Variants in IQSEC3 observed in about 807,000 individuals in gnomAD.
IQSEC3 encodes IQ motif and SEC7 domain-containing protein 3.
A neutral mutation model predicts 105.4 loss-of-function variants in IQSEC3; 50 were observed. The observed-to-expected ratio is 0.47, with a 90% confidence interval of 0.38 to 0.60. The LOEUF is 0.60. Ranked by LOEUF, IQSEC3 falls within the 20% of genes least tolerant of loss-of-function variation. The probability of loss-of-function intolerance (pLI) is 0.00; values close to 1 mark genes in which losing one functional copy is unlikely to be tolerated. For missense variants in IQSEC3, 1,415 were observed against 1,630.0 expected, an observed-to-expected ratio of 0.87 and a Z score of 2.27; for synonymous variants, 708 against 746.0, an observed-to-expected ratio of 0.95 and a Z score of 0.83.
intron 1 of IQSEC3, among the ~76,000 whole-genome samples, chr12:72,978 A>C (rs1332870673): frequency 7.3e-6 from 1 of 137,130 alleles, no homozygotes; most frequent in Non-Finnish European, 1.6e-5. Flanking sequence ...CCCAGGAGGC[A>C]GAGCTTGCAG....
chr12:89,155 A>G (rs1236807019), intron 1 of IQSEC3, among the ~76,000 whole-genome samples: 1 of 151,948 alleles, frequency 6.6e-6, no homozygotes, highest in African/African-American at 2.4e-5. Flanking sequence ...CCAGGCCCCA[A>G]ATTTCCCCCA....
At chr12:71,339 C>T (rs184672914) in intron 1 of IQSEC3, among the ~76,000 whole-genome samples, 1 of 152,274 alleles carries the variant, frequency 6.6e-6, no homozygotes, top group Non-Finnish European at 1.5e-5. Context: ...TATTCAAAAC[C>T]CTGCACTCAG....
intron 3 of IQSEC3, among the ~76,000 whole-genome samples, chr12:136,337 C>T (rs1865764359): frequency 6.6e-6 from 1 of 152,132 alleles, no homozygotes; most frequent in African/African-American, 2.4e-5. Flanking sequence ...TGGGATTGTC[C>T]TTGGGGATTG....
chr12:171,308 A>T (rs781913605), intron 13 of IQSEC3, 147 bp downstream of exon 13: 1 of 1,614,002 alleles, frequency 6.2e-7, no homozygotes, highest in South Asian at 1.1e-5. Flanking sequence ...GATACAATTA[A>T]AAGTTACTGC....
chr12:163,795 G>C (rs1304424256), intron 9 of IQSEC3, among the ~76,000 whole-genome samples, 176 bp downstream of exon 9: 3 of 152,204 alleles, frequency 2.0e-5, no homozygotes, highest in Admixed American at 2.0e-4. Flanking sequence ...GCGTGAGGGG[G>C]CTCAGGCAGA....
At chr12:110,659 G>A (rs924004551) in intron 2 of IQSEC3, among the ~76,000 whole-genome samples, 5 of 151,922 alleles carry the variant, frequency 3.3e-5, no homozygotes, top group Admixed American at 2.0e-4. Flanking sequence ...CTCTTCCCCA[G>A]GAAACAGAAT....
chr12:125,293 T>C (rs1167156918), intron 2 of IQSEC3, among the ~76,000 whole-genome samples: 2 of 152,178 alleles, frequency 1.3e-5, no homozygotes, highest in African/African-American at 4.8e-5. Context: ...AGAGGTGCAA[T>C]GAGGCTGAGT....
At position 165,865 on chromosome 12, in the gene IQSEC3, G is replaced by C. The variant is rs370969836; in HGVS notation, c.2946G>C (p.Thr982=). The C allele has an allele frequency of 1.8e-4, 285 of 1,613,950 alleles. 1 individual carries two copies. The highest frequency in any genetic ancestry group is 2.3e-4 in the Non-Finnish European group (270 of 1,180,028). The change falls in exon 11 of 14, where the codon ACG becomes ACC. Residue 982 remains threonine (T), a synonymous_variant. Coordinates refer to ENST00000538872, the MANE Select transcript of IQSEC3 (RefSeq NM_001170738.2). ...TGAAGGAGTCCATTGCTGAGGTGAC[G>C]GAGCTGGAGCAGATCCGAATAGAGT... ...EDLKESIAEV[T]ELEQIRIEWE... is the part of the protein sequence containing the mutation.
intron 5 of IQSEC3, among the ~76,000 whole-genome samples, chr12:147,558 C>A (rs1866328253): frequency 6.6e-6 from 1 of 152,168 alleles, no homozygotes; most frequent in Admixed American, 6.5e-5. Context: ...CATTCCAGGA[C>A]CCCTGTGGTC....
At position 138,731 on chromosome 12, in the gene IQSEC3, G is replaced by A. The variant is rs782673474; in HGVS notation, c.1368G>A (p.Pro456=). Residue 456 remains proline (P), a synonymous_variant, in exon 4 of 14, where the codon CCG becomes CCA. Coordinates refer to ENST00000538872, the MANE Select transcript of IQSEC3 (RefSeq NM_001170738.2). The surrounding 1 kb of genome is among the most constrained non-coding windows in gnomAD (Gnocchi z 7.1). ...GCCTGGAGGCCGAGGGGCGGGCGCC[G>A]GAGAGCGCGGGCCCCGGGCCCGGGG... is the stretch of plus-strand genomic sequence containing the variant. The part of the protein sequence containing the change: ...PPGLEAEGRA[P]ESAGPGPGDD... The A allele has an allele frequency of 1.1e-4, 170 of 1,503,348 alleles. No homozygotes were observed. Among genetic ancestry groups the A allele is most frequent in the Non-Finnish European group, 1.3e-4 (149 of 1,132,272 alleles). The allele number at this position is 1,503,348 out of a possible 1,614,324, so 93.1% of individuals were successfully genotyped here.
intron 1 of IQSEC3, among the ~76,000 whole-genome samples, chr12:73,193 G>C (rs1237327058): frequency 6.8e-5 from 4 of 59,042 alleles, no homozygotes; most frequent in Non-Finnish European, 1.6e-4. Context: ...TCAAGATCCA[G>C]ATGGTTGAGA....
chr12:163,824 A>C (rs2270795), intron 9 of IQSEC3, among the ~76,000 whole-genome samples: 41 of 152,104 alleles, frequency 2.7e-4, no homozygotes, highest in Middle Eastern at 3.4e-3. Context: ...TTCCTACCTC[A>C]TAAGTCATGA....
At chr12:93,400 G>A (rs1864151950) in intron 1 of IQSEC3, among the ~76,000 whole-genome samples, 1 of 152,238 alleles carries the variant, frequency 6.6e-6, no homozygotes, top group Non-Finnish European at 1.5e-5. Context: ...GTGCCACCAA[G>A]AGATCCCGTC....
At position 174,690 on chromosome 12, in the gene IQSEC3, C is replaced by CTA. The variant is rs780011040; in HGVS notation, c.3207_3208dup (p.Ser1070IlefsTer46). 1.1e-5 allele frequency: 17 copies of CTA among 1,592,876 alleles called. No homozygotes were observed. The highest frequency in any genetic ancestry group is 1.4e-5 in the Non-Finnish European group (17 of 1,177,352). ...CCGGTGCCGCCGCCAGACCTGCAGCCTAGCCCCCCGAGACAGCAGACCCCA... is the reference window on the plus strand; with the variant it reads ...CCGGTGCCGCCGCCAGACCTGCAGCCTATAGCCCCCCGAGACAGCAGACCCCA... On this transcript the variant is annotated frameshift_variant, in exon 14 of 14. Transcript: ENST00000538872. LOFTEE classifies it high-confidence loss of function.
chr12:139,416 G>A, intron 4 of IQSEC3, 62 bp downstream of exon 4: 1 of 1,352,424 alleles, frequency 7.4e-7, no homozygotes, highest in Non-Finnish European at 1.0e-6. Context: ...GGAAGGAGGA[G>A]GGCACCTTCC....
intron 1 of IQSEC3, among the ~76,000 whole-genome samples, chr12:70,659 A>T (rs1393263123): frequency 6.6e-6 from 1 of 152,282 alleles, no homozygotes; most frequent in Non-Finnish European, 1.5e-5. Context: ...CCATGGAAGC[A>T]CATGAACTTA....
chr12:78,579 TCA>T (rs1555069990), intron 1 of IQSEC3, among the ~76,000 whole-genome samples: 1 of 152,098 alleles, frequency 6.6e-6, no homozygotes, highest in Non-Finnish European at 1.5e-5. Flanking sequence ...TTTTATCGCA[TCA>T]CAGTCTTAGA....
intron 2 of IQSEC3, among the ~76,000 whole-genome samples, chr12:100,522 G>C (rs782106371): frequency 1.3e-5 from 2 of 152,220 alleles, no homozygotes; most frequent in Non-Finnish European, 2.9e-5. Flanking sequence ...AGGGGAGCCA[G>C]CAGAGGTCAG....
rs140809923 is a variant in IQSEC3, at chr12:150,992, A to T, written c.2154-6033A>T. 1.2e-3 allele frequency among the ~76,000 whole-genome samples: 183 copies of T among 147,998 alleles called. 1 individual carries two copies. Among genetic ancestry groups the T allele is most frequent in the African/African-American group, 4.1e-3 (159 of 38,892 alleles). ...CTGCACCATGATACACTCACACTAGAGAACGGTACCTCCAGGCCCCTGGGT... is the reference window on the plus strand; with the variant it reads ...CTGCACCATGATACACTCACACTAGTGAACGGTACCTCCAGGCCCCTGGGT... On this transcript the variant is annotated intron_variant, in intron 5 of 13. Transcript: ENST00000538872.
Sources: allele counts gnomAD v4.1 joint callset (sites outside exome capture counted in the v4.1 genomes callset), GRCh38; gene constraint gnomAD v4.1.1; non-coding constraint Gnocchi (gnomAD v3.1); transcripts MANE v1.5; gene names NCBI Gene and HGNC (gene_info 2026-07-23, HGNC 2026-07-21).